Variants in SLC38A12 observed in about 807,000 individuals in gnomAD.
SLC38A12 encodes the protein solute carrier family 38 member 12.
the SLC38A12 span, among the ~76,000 whole-genome samples, chr17:74,814,229 G>A: frequency 4.6e-5 from 7 of 152,204 alleles, no homozygotes; most frequent in South Asian, 2.1e-4. Flanking sequence ...TGGTGATGGC[G>A]GGAAGCCGGG....
the SLC38A12 span, among the ~76,000 whole-genome samples, chr17:74,806,499 G>T: frequency 6.6e-6 from 1 of 152,310 alleles, no homozygotes; most frequent in East Asian, 1.9e-4. Context: ...AGCCACGCCT[G>T]TAGTGCCCAG....
At chr17:74,839,157 G>C in the SLC38A12 span, 1 of 1,511,144 alleles carries the variant, frequency 6.6e-7, no homozygotes, top group Non-Finnish European at 8.8e-7. Context: ...GGCTAGAGCA[G>C]CAGCTGCCAG....
At chr17:74,791,123 C>A in the SLC38A12 span, 4 of 1,201,096 alleles carry the variant, frequency 3.3e-6, no homozygotes, top group Non-Finnish European at 3.6e-6. Context: ...AGGGCTCCAC[C>A]CTGACAGCCA....
At chr17:74,792,521 A>G in the SLC38A12 span, among the ~76,000 whole-genome samples, 1 of 152,064 alleles carries the variant, frequency 6.6e-6, no homozygotes, top group Non-Finnish European at 1.5e-5. Context: ...CATTTCATTG[A>G]GAGTCAGTCA....
the SLC38A12 span, chr17:74,795,202 C>G: frequency 2.0e-5 from 21 of 1,064,736 alleles, no homozygotes; most frequent in South Asian, 2.5e-4. Context: ...AGCACCATGC[C>G]AAGTGAGTTC....
the SLC38A12 span, chr17:74,795,712 G>T: frequency 9.0e-7 from 1 of 1,111,030 alleles, no homozygotes; most frequent in African/African-American, 1.5e-5. Context: ...TTACTTCCAG[G>T]TAGAATCCTT....
At chr17:74,809,756 G>A in the SLC38A12 span, among the ~76,000 whole-genome samples, 2 of 152,194 alleles carry the variant, frequency 1.3e-5, no homozygotes, top group Non-Finnish European at 2.9e-5. Context: ...GCATAAAAGA[G>A]AGCATCCATC....
the SLC38A12 span, among the ~76,000 whole-genome samples, chr17:74,811,544 AATCTC>A: frequency 7.1e-6 from 1 of 140,108 alleles, no homozygotes; most frequent in Non-Finnish European, 1.6e-5. Flanking sequence ...AACATGGTGA[AATCTC>A]ATCTCTACTA....
chr17:74,787,318 T>C, the SLC38A12 span, among the ~76,000 whole-genome samples: 1 of 140,288 alleles, frequency 7.1e-6, no homozygotes, highest in Non-Finnish European at 1.6e-5. Flanking sequence ...AGAGTTGTCC[T>C]GGCCTCAAGA....
At chr17:74,789,065 C>T in the SLC38A12 span, among the ~76,000 whole-genome samples, 1 of 152,224 alleles carries the variant, frequency 6.6e-6, no homozygotes, top group African/African-American at 2.4e-5. Flanking sequence ...CTGCCACTTT[C>T]CCGTCTCAGC....
the SLC38A12 span, chr17:74,836,886 C>A: frequency 7.3e-7 from 1 of 1,377,896 alleles, no homozygotes; most frequent in African/African-American, 1.5e-5. The surrounding 1 kb of genome is among the most constrained non-coding windows in gnomAD (Gnocchi z 4.2). Flanking sequence ...CTCCCCCGGG[C>A]AGCTCTCCCA....
chr17:74,821,897 CTGAGCTGA>C, the SLC38A12 span, among the ~76,000 whole-genome samples: 1 of 152,184 alleles, frequency 6.6e-6, no homozygotes, highest in South Asian at 2.1e-4. Flanking sequence ...ATGGAGAAAG[CTGAGCTGA>C]TTCCCGTCCC....
chr17:74,837,013 G>T, the SLC38A12 span: 3 of 1,131,628 alleles, frequency 2.7e-6, no homozygotes, highest in Middle Eastern at 3.7e-4. Context: ...CTTCCAGGGC[G>T]GGCTACTCCC....
chr17:74,818,872 A>G, the SLC38A12 span, among the ~76,000 whole-genome samples: 1 of 152,142 alleles, frequency 6.6e-6, no homozygotes, highest in Non-Finnish European at 1.5e-5. Flanking sequence ...TGGCATGGAA[A>G]TCCTAACCTT....
chr17:74,801,209 C>G, the SLC38A12 span, among the ~76,000 whole-genome samples: 1 of 152,238 alleles, frequency 6.6e-6, no homozygotes, highest in Non-Finnish European at 1.5e-5. Flanking sequence ...CTTGTCAGTT[C>G]CTCCTCATTC....
At chr17:74,807,857 C>T in the SLC38A12 span, among the ~76,000 whole-genome samples, 1 of 152,226 alleles carries the variant, frequency 6.6e-6, no homozygotes, top group South Asian at 2.1e-4. Context: ...CACGTAACAT[C>T]CGTAAAGCTC....
the SLC38A12 span, among the ~76,000 whole-genome samples, chr17:74,811,394 A>G: frequency 6.6e-6 from 1 of 152,078 alleles, no homozygotes; most frequent in Non-Finnish European, 1.5e-5. Context: ...GGTGGACCTC[A>G]TGGAAGTCAA....
the SLC38A12 span, among the ~76,000 whole-genome samples, chr17:74,806,418 A>G: frequency 7.2e-5 from 11 of 152,304 alleles, no homozygotes; most frequent in South Asian, 2.3e-3. Context: ...CTCCTCCTTG[A>G]CATCCAGCAT....
the SLC38A12 span, among the ~76,000 whole-genome samples, chr17:74,800,180 C>T: frequency 1.1e-4 from 17 of 152,244 alleles, no homozygotes; most frequent in Non-Finnish European, 1.5e-4. Context: ...CCTGCCTTGG[C>T]GGTGGCCCCC....
Sources: allele counts gnomAD v4.1 joint callset (sites outside exome capture counted in the v4.1 genomes callset), GRCh38; gene constraint gnomAD v4.1.1; non-coding constraint Gnocchi (gnomAD v3.1); transcripts MANE v1.5; gene names NCBI Gene and HGNC (gene_info 2026-07-23, HGNC 2026-07-21).